Variants in DZIP1L observed in about 807,000 individuals in gnomAD.
DZIP1L encodes the protein DAZ interacting zinc finger protein 1 like, also known as cilium assembly protein DZIP1L.
DZIP1L carries 90 observed loss-of-function variants against 88.7 expected under a neutral mutation model. The observed-to-expected ratio is 1.02, with a 90% CI of 0.86 to 1.21. DZIP1L has a LOEUF of 1.21. Ranked by LOEUF, DZIP1L falls within the 50% of genes most tolerant of loss-of-function variation. The probability of loss-of-function intolerance (pLI) is 0.00; values close to 1 mark genes in which losing one functional copy is unlikely to be tolerated. For missense variants in DZIP1L, 932 were observed against 955.8 expected, an observed-to-expected ratio of 0.98 and a Z score of 0.33; for synonymous variants, 363 against 372.1, an observed-to-expected ratio of 0.98 and a Z score of 0.28.
chr3:138,072,886 G>C (rs948188995), intron 11 of DZIP1L, among the ~76,000 whole-genome samples: 3 of 152,182 alleles, frequency 2.0e-5, no homozygotes, highest in Non-Finnish European at 4.4e-5. Context: ...GCTGAGGCCT[G>C]TGACTGCCAG....
At position 138,062,997 on chromosome 3, in the gene DZIP1L, G is replaced by T; in HGVS notation, c.2143-20C>A. 1 of 1,612,218 alleles carries T rather than the reference G, an allele frequency of 6.2e-7. No individual in the cohort carries two copies. On this transcript the variant is annotated intron_variant, in intron 15 of 15. Transcript: ENST00000327532. Reference sequence around the variant, plus strand: ...AGAAAGCTGCAGGGGGTAAAGGGGAGAAGAAAATGCATTTTGATAAGGGAG... The same window carrying T: ...AGAAAGCTGCAGGGGGTAAAGGGGATAAGAAAATGCATTTTGATAAGGGAG...
intron 1 of DZIP1L, among the ~76,000 whole-genome samples, chr3:138,110,817 C>A (rs1033038761): frequency 6.6e-6 from 1 of 152,192 alleles, no homozygotes; most frequent in Non-Finnish European, 1.5e-5. Context: ...ACCTATTATG[C>A]AGATGAAGAA....
intron 7 of DZIP1L, among the ~76,000 whole-genome samples, chr3:138,085,839 A>G (rs1943905931): frequency 6.6e-6 from 1 of 152,220 alleles, no homozygotes; most frequent in Admixed American, 6.5e-5. Context: ...TCACAATAGC[A>G]AAGACTTGGA....
intron 9 of DZIP1L, 54 bp from the exon 10 acceptor site, chr3:138,080,674 C>A: frequency 6.3e-7 from 1 of 1,595,028 alleles, no homozygotes; most frequent in Non-Finnish European, 8.6e-7. Context: ...CCATCCCTGA[C>A]TAGAAGAAAA....
chr3:138,075,665 G>A (rs1257038300), intron 11 of DZIP1L, among the ~76,000 whole-genome samples: 1 of 152,242 alleles, frequency 6.6e-6, no homozygotes, highest in East Asian at 1.9e-4. Context: ...AGTGCTAAGA[G>A]GAAAGTTCAT....
intron 1 of DZIP1L, among the ~76,000 whole-genome samples, chr3:138,108,981 T>C (rs903889535): frequency 7.9e-5 from 12 of 152,110 alleles, no homozygotes; most frequent in African/African-American, 2.9e-4. Context: ...ATCTGTGGAG[T>C]GCTGGGCTAG....
intron 4 of DZIP1L, among the ~76,000 whole-genome samples, chr3:138,094,633 T>C (rs974366287): frequency 5.9e-5 from 9 of 152,268 alleles, no homozygotes; most frequent in African/African-American, 1.7e-4. Context: ...TGCAGGAAAC[T>C]GCATCTCTCT....
chr3:138,086,684 A>C (rs1312140119), intron 7 of DZIP1L, among the ~76,000 whole-genome samples: 1 of 152,200 alleles, frequency 6.6e-6, no homozygotes, highest in Non-Finnish European at 1.5e-5. Context: ...GAGGGCCTAA[A>C]GGGGTCACTG....
rs145546537 is a variant in DZIP1L, at chr3:138,110,065, C to A, written c.-82+5263G>T. Among the ~76,000 whole-genome samples, 5 of 152,240 alleles carry A rather than the reference C, an allele frequency of 3.3e-5. No homozygotes were observed. The East Asian group carries it at 9.6e-4, about 29-fold the overall frequency. ...AACATGCACGTTCTGCACATGTATC[C>A]CAGAACTTAAAGTAAAATTAAAAAT... On this transcript the variant is annotated intron_variant, in intron 1 of 15. Transcript: ENST00000327532.
At chr3:138,088,080 T>C (rs1009367103) in intron 6 of DZIP1L, among the ~76,000 whole-genome samples, 1 of 152,226 alleles carries the variant, frequency 6.6e-6, no homozygotes, top group Admixed American at 6.5e-5. Context: ...CCCAAGAGAC[T>C]GTCACAGTTT....
chr3:138,068,228 G>T lies in DZIP1L; in HGVS notation c.1755C>A (p.Thr585=), dbSNP rs755008875. Residue 585 remains threonine (T), a synonymous_variant, in exon 13 of 16, where the codon ACC becomes ACA. Coordinates refer to ENST00000327532, the MANE Select transcript of DZIP1L (RefSeq NM_173543.3). ...GGCGTGGAGCGGGGGCGGACACCTG[G>T]GTCAGGCTGGAGCCATGGCTGCCAT... The part of the protein sequence containing the change: ...QSHGSHGSSL[T]QVSAPAPRPG... 1.9e-6 allele frequency: 3 copies of T among 1,594,948 alleles called. No homozygotes were observed. Among genetic ancestry groups the T allele is most frequent in the Non-Finnish European group, 2.6e-6 (3 of 1,170,164 alleles).
At chr3:138,088,739 TAA>T in intron 5 of DZIP1L, 17 of 1,199,032 alleles carry the variant, frequency 1.4e-5, no homozygotes, top group Non-Finnish European at 1.8e-5. Flanking sequence ...AAGAACAAAT[TAA>T]AGAGTGTAGT....
chr3:138,093,604 T>A (rs938389300), intron 4 of DZIP1L, among the ~76,000 whole-genome samples: 7 of 152,228 alleles, frequency 4.6e-5, no homozygotes, highest in African/African-American at 1.7e-4. Flanking sequence ...TTTAGTACAG[T>A]CACCTTCATC....
chr3:138,084,333 T>C lies in DZIP1L; in HGVS notation c.1063-80A>G, dbSNP rs947314586. On this transcript the variant is annotated intron_variant, in intron 7 of 15. Coordinates refer to ENST00000327532, the MANE Select transcript of DZIP1L (RefSeq NM_173543.3). ...CTGGTGTCTGCAGGCTCAGCACCTG[T>C]AGGCAAGTGCCAGGCAAGCACAGTA... The C allele has an allele frequency of 3.9e-6, 6 of 1,524,790 alleles. 1 individual carries two copies. Among genetic ancestry groups the C allele is most frequent in the South Asian group, 2.6e-5 (2 of 77,904 alleles). The allele number at this position is 1,524,790 out of a possible 1,614,324, so 94.5% of individuals were successfully genotyped here.
chr3:138,101,911 C>A lies in DZIP1L; in HGVS notation c.501+1560G>T, dbSNP rs112325223. 3.4e-6 allele frequency: 5 copies of A among 1,455,716 alleles called. No homozygotes were observed. In the East Asian group the frequency reaches 9.1e-5, roughly 26 times the overall value. The allele number at this position is 1,455,716 out of a possible 1,614,324, so 90.2% of individuals were successfully genotyped here. On this transcript the variant is annotated intron_variant, in intron 2 of 15. Transcript: ENST00000327532. Reference sequence around the variant, plus strand: ...GGCATCCTTAATGGCCAGCTCCCCACGTTGCTCGGCATCTGCGATGCCCTC... The same window carrying A: ...GGCATCCTTAATGGCCAGCTCCCCAAGTTGCTCGGCATCTGCGATGCCCTC...
At chr3:138,101,913 T>C (rs968104064) in intron 2 of DZIP1L, 20 of 1,452,760 alleles carry the variant, frequency 1.4e-5, no homozygotes, top group Admixed American at 3.4e-5. Context: ...GCTCCCCACG[T>C]TGCTCGGCAT....
chr3:138,083,449 C>G (rs1244621944), intron 8 of DZIP1L, among the ~76,000 whole-genome samples: 1 of 152,128 alleles, frequency 6.6e-6, no homozygotes, highest in African/African-American at 2.4e-5. Context: ...TTCCACAGAC[C>G]TGGGGCTCTG....
At chr3:138,085,438 TG>T (rs1330046224) in intron 7 of DZIP1L, among the ~76,000 whole-genome samples, 3 of 152,058 alleles carry the variant, frequency 2.0e-5, no homozygotes, top group Non-Finnish European at 4.4e-5. Flanking sequence ...CATCAAAAAG[TG>T]GGCAAAGGAT....
Position 138,071,756 on chromosome 3 carries a change from T to C in DZIP1L, c.1502A>G (p.Lys501Arg). 1 of 1,614,164 alleles carries C rather than the reference T, an allele frequency of 6.2e-7. No homozygotes were observed. The highest frequency in any genetic ancestry group is 8.5e-7 in the Non-Finnish European group (1 of 1,180,030). Residue 501 changes from lysine (K) to arginine (R), a missense_variant, in exon 12 of 16, where the codon AAG becomes AGG. By Grantham distance (26) the Lys-to-Arg change is conservative (BLOSUM62 2). Coordinates refer to ENST00000327532, the MANE Select transcript of DZIP1L (RefSeq NM_173543.3). ...LRVQREQKAR[K>R]FSEFLSLRGK... ...CCTCAGACTCAGAAATTCAGAAAAC[T>C]TCCGGGCCTTCTGCTCCCGCTGGAC...
Sources: allele counts gnomAD v4.1 joint callset (sites outside exome capture counted in the v4.1 genomes callset), GRCh38; gene constraint gnomAD v4.1.1; transcripts MANE v1.5; gene names NCBI Gene and HGNC (gene_info 2026-07-23, HGNC 2026-07-21).